CLEC16A: variants seen among roughly 807,000 people sequenced by gnomAD.
CLEC16A encodes the protein protein CLEC16A.
CLEC16A carries 51 observed loss-of-function variants against 109.5 expected under a neutral mutation model. The ratio of observed to expected loss-of-function variants is 0.47; its 90% CI spans 0.37 to 0.59. CLEC16A has a LOEUF of 0.59. Among genes scored for constraint, CLEC16A ranks in the 20% least tolerant of loss-of-function variants. CLEC16A has a pLI of 0.00. For synonymous variants in CLEC16A, 673 were observed against 564.2 expected (o/e 1.19, Z -2.73); for missense variants, 1,339 against 1,394.0 (o/e 0.96, Z 0.63).
intron 19 of CLEC16A, among the ~76,000 whole-genome samples, chr16:11,106,345 G>C (rs576038117): frequency 6.6e-6 from 1 of 152,026 alleles, no homozygotes; most frequent in Admixed American, 6.6e-5. Flanking sequence ...CTGGAGTGCA[G>C]TGTTTTGATC....
chr16:10,959,383 T>G (rs1255354414), intron 2 of CLEC16A, among the ~76,000 whole-genome samples: 1 of 152,052 alleles, frequency 6.6e-6, no homozygotes, highest in African/African-American at 2.4e-5. Context: ...TAAGGATCCA[T>G]GGGGAATTTT....
At chr16:11,106,667 T>A (rs2051241785) in intron 19 of CLEC16A, among the ~76,000 whole-genome samples, 1 of 152,030 alleles carries the variant, frequency 6.6e-6, no homozygotes, top group Non-Finnish European at 1.5e-5. Context: ...TTTTTTTTTT[T>A]AAGATACTTT....
chr16:11,049,624 G>T (rs1408640308), intron 17 of CLEC16A, among the ~76,000 whole-genome samples: 1 of 152,252 alleles, frequency 6.6e-6, no homozygotes, highest in African/African-American at 2.4e-5. Flanking sequence ...TGCAGCTTCT[G>T]AGTGGAAGGG....
intron 1 of CLEC16A, among the ~76,000 whole-genome samples, chr16:10,956,658 C>G (rs1307337297): frequency 6.6e-6 from 1 of 152,212 alleles, no homozygotes; most frequent in East Asian, 1.9e-4. Context: ...CAGGACTGGC[C>G]TCGGTGATTC....
chr16:11,006,437 T>A (rs2045015918), intron 11 of CLEC16A, among the ~76,000 whole-genome samples: 1 of 152,218 alleles, frequency 6.6e-6, no homozygotes, highest in South Asian at 2.1e-4. Flanking sequence ...TATTTTGAGA[T>A]AGACATGCGG....
chr16:11,120,810 A>AC, intron 20 of CLEC16A, 44 bp downstream of exon 20: 2 of 1,341,586 alleles, frequency 1.5e-6, no homozygotes, highest in Non-Finnish European at 9.8e-7. Flanking sequence ...AGTTGGCTAC[A>AC]AACACACACA....
In CLEC16A at chr16:10,978,722, C is replaced by G. The variant is rs1004842431; in HGVS notation, c.904-607C>G. ...CGCCTTAGCTTTACCAGAGGCAGCT[C>G]TGGGAGGCAGAGACAAAGTATGAGA... On this transcript the variant is annotated intron_variant, in intron 8 of 23. Coordinates refer to ENST00000409790, the MANE Select transcript of CLEC16A (RefSeq NM_015226.3). Among the ~76,000 whole-genome samples the G allele has an allele frequency of 5.3e-5, 8 of 152,198 alleles. No individual in the cohort carries two copies. In the East Asian group the frequency reaches 1.3e-3, roughly 26 times the overall value.
chr16:11,135,215 A>T (rs1329410130), intron 22 of CLEC16A, among the ~76,000 whole-genome samples: 1 of 152,182 alleles, frequency 6.6e-6, no homozygotes, highest in East Asian at 1.9e-4. Flanking sequence ...TCCTACTCAA[A>T]AATCAGCCCT....
At chr16:11,099,236 G>A (rs535650343) in intron 19 of CLEC16A, among the ~76,000 whole-genome samples, 106 of 152,350 alleles carry the variant, frequency 7.0e-4, no homozygotes, top group African/African-American at 2.5e-3. Context: ...ATCGGCAGAC[G>A]TGGAGCAGAG....
intron 19 of CLEC16A, among the ~76,000 whole-genome samples, chr16:11,100,539 G>A (rs1217034273): frequency 6.6e-6 from 1 of 152,210 alleles, no homozygotes; most frequent in Non-Finnish European, 1.5e-5. Flanking sequence ...TTGGTTTCAA[G>A]CACATGGAGG....
intron 19 of CLEC16A, among the ~76,000 whole-genome samples, chr16:11,093,580 A>C (rs2050437821): frequency 6.6e-6 from 1 of 152,212 alleles, no homozygotes; most frequent in East Asian, 1.9e-4. Flanking sequence ...AGGAGTCACC[A>C]AATGAATCTG....
At chr16:11,104,143 C>T (rs187562408) in intron 19 of CLEC16A, among the ~76,000 whole-genome samples, 5 of 152,288 alleles carry the variant, frequency 3.3e-5, no homozygotes, top group South Asian at 4.1e-4. Context: ...AGGTCTCACT[C>T]TGTCGCCCAG....
intron 18 of CLEC16A, among the ~76,000 whole-genome samples, chr16:11,057,502 T>G (rs1304863657): frequency 6.6e-6 from 1 of 152,210 alleles, no homozygotes; most frequent in Non-Finnish European, 1.5e-5. Context: ...CCCTGCTCAT[T>G]GGACTGATTC....
chr16:10,956,606 A>T (rs557945434), intron 1 of CLEC16A, among the ~76,000 whole-genome samples: 1 of 152,118 alleles, frequency 6.6e-6, no homozygotes, highest in Admixed American at 6.5e-5. Flanking sequence ...GCCCGGTGGC[A>T]CTCCCAGGGC....
chr16:11,117,474 A>G (rs921626377), intron 19 of CLEC16A, among the ~76,000 whole-genome samples: 1 of 152,160 alleles, frequency 6.6e-6, no homozygotes, highest in African/African-American at 2.4e-5. Context: ...TAACATTTTT[A>G]TCATCTTTCA....
chr16:10,973,793 A>G (rs138420026), intron 7 of CLEC16A, among the ~76,000 whole-genome samples: 1 of 146,742 alleles, frequency 6.8e-6, no homozygotes, highest in African/African-American at 2.5e-5. Context: ...CCAATCTTGC[A>G]TTCCTGGGCT....
chr16:10,947,439 C>A (rs371099602), intron 1 of CLEC16A, among the ~76,000 whole-genome samples: 2 of 152,262 alleles, frequency 1.3e-5, no homozygotes, highest in East Asian at 3.9e-4. Flanking sequence ...TCTGTGGGAA[C>A]CCTTATTGGG....
intron 19 of CLEC16A, among the ~76,000 whole-genome samples, chr16:11,082,799 T>A (rs2049800032): frequency 6.6e-6 from 1 of 152,238 alleles, no homozygotes; most frequent in Non-Finnish European, 1.5e-5. Context: ...CTTCCATATT[T>A]GGCAAATCTG....
At chr16:11,120,505 G>A in intron 19 of CLEC16A, 110 bp from the exon 20 acceptor site, 5 of 1,181,628 alleles carry the variant, frequency 4.2e-6, no homozygotes, top group African/African-American at 1.5e-5. Context: ...CTAGGCCTGG[G>A]CTCTAACCAC....
Sources: gnomAD v4.1 joint callset for allele counts (sites outside exome capture counted in the v4.1 genomes callset) on GRCh38, gnomAD v4.1.1 for gene constraint, MANE v1.5 for transcripts, NCBI Gene and HGNC (gene_info 2026-07-23, HGNC 2026-07-21) for gene names.